SEMA3D: variants seen among roughly 807,000 people sequenced by gnomAD.
SEMA3D encodes the protein semaphorin 3D.
A neutral mutation model predicts 100.1 loss-of-function variants in SEMA3D; 84 were observed. That is an observed-to-expected ratio of 0.84 (90% CI 0.70 to 1.01). The LOEUF is 1.01. SEMA3D is among the 50% of genes least tolerant of loss of function. SEMA3D has a pLI of 0.00. For synonymous variants in SEMA3D, 312 were observed against 320.7 expected (o/e 0.97, Z 0.29); for missense variants, 875 against 934.1 (o/e 0.94, Z 0.82).
At chr7:85,199,761 T>A in the SEMA3D span, among the ~76,000 whole-genome samples, 1 of 152,362 alleles carries the variant, frequency 6.6e-6, no homozygotes, top group South Asian at 2.1e-4. Flanking sequence ...ATGATTTTCA[T>A]CAGCTAAAAT....
At chr7:85,211,085 A>G in the SEMA3D span, among the ~76,000 whole-genome samples, 1 of 152,084 alleles carries the variant, frequency 6.6e-6, no homozygotes, top group Non-Finnish European at 1.5e-5. Flanking sequence ...CTGATTCTCT[A>G]CAGTTCCAAT....
chr7:85,072,995 T>A lies in SEMA3D; in HGVS notation c.462A>T (p.Ile154=). The stretch of plus-strand genomic sequence containing the variant: ...AGACTCCAAGATCAATATACCCACA[T>A]ATTGGATGAAATGCTCCAGTTCCAC... ...YVCGTGAFHP[I]CGYIDLGVYK... is the part of the protein sequence containing the mutation. Residue 154 remains isoleucine, a synonymous_variant, in exon 6 of 19, where the codon ATA becomes ATT. Transcript: ENST00000284136. 1 of 1,611,064 alleles carries A rather than the reference T, an allele frequency of 6.2e-7. No homozygotes were observed. Among genetic ancestry groups the A allele is most frequent in the Non-Finnish European group, 8.5e-7 (1 of 1,177,788 alleles).
chr7:85,057,305 G>A (rs1791348398), intron 8 of SEMA3D, among the ~76,000 whole-genome samples: 1 of 152,096 alleles, frequency 6.6e-6, no homozygotes, highest in South Asian at 2.1e-4. Context: ...GATGATACCA[G>A]TTCAGAAATA....
At chr7:85,087,753 C>A (rs1301582496) in intron 4 of SEMA3D, among the ~76,000 whole-genome samples, 1 of 151,930 alleles carries the variant, frequency 6.6e-6, no homozygotes, top group Non-Finnish European at 1.5e-5. Flanking sequence ...ATTTATGTTG[C>A]CTTTATAGTA....
chr7:85,035,246 C>G (rs1256507333), intron 12 of SEMA3D, among the ~76,000 whole-genome samples: 1 of 150,732 alleles, frequency 6.6e-6, no homozygotes. Flanking sequence ...TTTATACATA[C>G]ATCATACATA....
intron 3 of SEMA3D, among the ~76,000 whole-genome samples, chr7:85,119,684 A>C (rs1229154272): frequency 1.3e-5 from 2 of 152,186 alleles, no homozygotes; most frequent in African/African-American, 2.4e-5. Context: ...TGTTTGACGA[A>C]ATAATCTGCA....
intron 1 of SEMA3D, among the ~76,000 whole-genome samples, chr7:85,179,753 C>T (rs1363844778): frequency 6.6e-6 from 1 of 151,748 alleles, no homozygotes; most frequent in African/African-American, 2.4e-5. Context: ...GCTCCGCCTC[C>T]TGGGCTCACA....
rs1791575042 is a variant in SEMA3D, at chr7:85,186,965, G to C, written c.-460C>G. Reference sequence around the variant, plus strand: ...CAGCTGGAGCTTTGGGGAGGAGAGGGTGGCGAGGAAAGGCACGCTCCAAAC... The same window carrying C: ...CAGCTGGAGCTTTGGGGAGGAGAGGCTGGCGAGGAAAGGCACGCTCCAAAC... On this transcript the variant is annotated 5_prime_UTR_variant, in exon 1 of 19. Transcript: ENST00000284136. 1 of 153,440 alleles carries C rather than the reference G, an allele frequency of 6.5e-6. No homozygotes were observed. Among genetic ancestry groups the C allele is most frequent in the Non-Finnish European group, 1.4e-5 (1 of 69,108 alleles). 9.5% of individuals were successfully genotyped at this position (153,440 alleles called of 1,614,324 possible).
At position 85,147,092 on chromosome 7, in the gene SEMA3D, C is replaced by CTTTTTTTTTTTTTTT. The variant is rs752922884; in HGVS notation, c.-41+6501_-41+6515dup. Among the ~76,000 whole-genome samples, 155 of 48,152 alleles carry CTTTTTTTTTTTTTTT rather than the reference C, an allele frequency of 3.2e-3. 27 individuals carry two copies. The highest frequency in any genetic ancestry group is 0.012 in the African/African-American group (124 of 10,290). 31.6% of individuals were successfully genotyped at this position (48,152 alleles called of 152,430 possible). A position where few individuals can be genotyped will look rare whatever the true frequency, so the allele number is the denominator to read the frequency against. On this transcript the variant is annotated intron_variant, in intron 2 of 18. Transcript: ENST00000284136. Reference sequence around the variant, plus strand: ...TCTTTCTTTCTTTTCTTTTTCTTTTCTTTTTTTTTTTTTTTTTTTTTTTTT... The same window carrying CTTTTTTTTTTTTTTT: ...TCTTTCTTTCTTTTCTTTTTCTTTTCTTTTTTTTTTTTTTTTTTTTTTTTTTTTTTTTTTTTTTTT...
At position 85,136,723 on chromosome 7, in the gene SEMA3D, C is replaced by A. The variant is rs555772786; in HGVS notation, c.-40-14792G>T. ...TGGGAAAATACATTTTTATTTTTTACTATTTACAGATTTTTATTATCATTT... is the reference window on the plus strand; with the variant it reads ...TGGGAAAATACATTTTTATTTTTTAATATTTACAGATTTTTATTATCATTT... On this transcript the variant is annotated intron_variant, in intron 2 of 18. Coordinates refer to ENST00000284136, the MANE Select transcript of SEMA3D (RefSeq NM_001384900.1). 4.2e-4 allele frequency among the ~76,000 whole-genome samples: 64 copies of A among 152,056 alleles called. 1 individual carries two copies. Among genetic ancestry groups the A allele is most frequent in the African/African-American group, 1.5e-3 (62 of 41,500 alleles).
rs75902937 is a variant in SEMA3D at position 85,123,325 on chromosome 7, G to T, written c.-40-1394C>A. 5.8e-3 allele frequency among the ~76,000 whole-genome samples: 881 copies of T among 152,140 alleles called. 6 individuals are homozygous for T. The highest frequency in any genetic ancestry group is 0.02 in the African/African-American group (823 of 41,528). ...CCACAGGACCAATAATTTATTTGATGATAGATTTATTGGTGATAGCTTTGA... is the reference window on the plus strand; with the variant it reads ...CCACAGGACCAATAATTTATTTGATTATAGATTTATTGGTGATAGCTTTGA... On this transcript the variant is annotated intron_variant, in intron 2 of 18. Transcript: ENST00000284136.
chr7:85,111,934 T>C (rs1789108238), intron 3 of SEMA3D, among the ~76,000 whole-genome samples: 1 of 152,110 alleles, frequency 6.6e-6, no homozygotes, highest in South Asian at 2.1e-4. Flanking sequence ...GATATCTGCA[T>C]GACTAGCTTA....
intron 2 of SEMA3D, among the ~76,000 whole-genome samples, chr7:85,137,576 C>T (rs1789905631): frequency 2.0e-5 from 3 of 152,110 alleles, no homozygotes; most frequent in African/African-American, 7.2e-5. Flanking sequence ...CCGAGTTCCT[C>T]TGATTGAATG....
the SEMA3D span, among the ~76,000 whole-genome samples, chr7:85,219,135 G>C: frequency 2.0e-5 from 3 of 152,088 alleles, no homozygotes; most frequent in African/African-American, 7.2e-5. Flanking sequence ...CACATCCTCT[G>C]TATGCCCAGG....
chr7:85,078,220 A>G (rs555220425), intron 5 of SEMA3D, among the ~76,000 whole-genome samples: 4 of 152,074 alleles, frequency 2.6e-5, no homozygotes, highest in Non-Finnish European at 4.4e-5. Context: ...TTGCTTGTAT[A>G]TAATTTGCAA....
At position 84,998,249 on chromosome 7, in the gene SEMA3D, C is replaced by A. The variant is rs1175412535; in HGVS notation, c.*1191G>T. ...TTTCTCCTATTCACTCAAATATAATCACAAAATCCAATATACAGGAGAGAA... is the reference window on the plus strand; with the variant it reads ...TTTCTCCTATTCACTCAAATATAATAACAAAATCCAATATACAGGAGAGAA... On this transcript the variant is annotated 3_prime_UTR_variant, in exon 19 of 19. Transcript: ENST00000284136. 6.6e-6 allele frequency: 1 copy of A among 151,844 alleles called. No homozygotes were observed. Among genetic ancestry groups the A allele is most frequent in the African/African-American group, 2.4e-5 (1 of 41,330 alleles). The allele number at this position is 151,844 out of a possible 1,614,324, so 9.4% of individuals were successfully genotyped here.
intron 1 of SEMA3D, among the ~76,000 whole-genome samples, chr7:85,177,865 G>A (rs972176015): frequency 2.0e-5 from 3 of 152,166 alleles, no homozygotes; most frequent in African/African-American, 4.8e-5. Context: ...GTCTGGTTCT[G>A]TGTTCCACCC....
chr7:85,054,478 G>C (rs1207054725), intron 9 of SEMA3D, among the ~76,000 whole-genome samples: 1 of 152,078 alleles, frequency 6.6e-6, no homozygotes, highest in Non-Finnish European at 1.5e-5. Flanking sequence ...TGAATTCTTA[G>C]AGTCTGAAAG....
intron 18 of SEMA3D, 73 bp from the exon 19 acceptor site, chr7:84,999,938 T>C: frequency 3.5e-6 from 4 of 1,155,136 alleles, no homozygotes; most frequent in Admixed American, 4.3e-5. Context: ...ACAGGCTACA[T>C]AGTTTTACTT....
Sources: gnomAD v4.1 joint callset for allele counts (sites outside exome capture counted in the v4.1 genomes callset) on GRCh38, gnomAD v4.1.1 for gene constraint, MANE v1.5 for transcripts, NCBI Gene and HGNC (gene_info 2026-07-23, HGNC 2026-07-21) for gene names.